MRTFA: variants seen among roughly 807,000 people sequenced by gnomAD.
The protein encoded by MRTFA is myocardin-related transcription factor A.
Under a neutral mutation model 83.5 loss-of-function variants are expected in MRTFA, and 20 were observed. That is an observed-to-expected ratio of 0.24 (90% CI 0.17 to 0.35). The LOEUF (loss-of-function observed/expected upper bound fraction) is 0.35, where lower values mean the gene tolerates loss of function less well. MRTFA is among the 10% of genes least tolerant of loss of function. MRTFA has a pLI of 1.00. For missense variants in MRTFA, 1,200 were observed against 1,224.7 expected (o/e 0.98, Z 0.30); for synonymous variants, 659 against 541.2 (o/e 1.22, Z -3.02).
chr22:40,414,342 A>G (rs924166200), intron 14 of MRTFA, among the ~76,000 whole-genome samples: 10 of 151,888 alleles, frequency 6.6e-5, no homozygotes, highest in Non-Finnish European at 1.2e-4. Context: ...GTCTCCAAGG[A>G]AAAAAAAAGA....
Position 40,431,193 on chromosome 22 carries a change from C to T in MRTFA, c.439+212G>A, listed in dbSNP as rs568090205. The stretch of plus-strand genomic sequence containing the variant: ...GTGAGACCCTGGAGAAGAGGCCAAG[C>T]CAAACTAACAGCATGTGACTGTGCT... On this transcript the variant is annotated intron_variant, in intron 6 of 14. Coordinates refer to ENST00000355630, the MANE Select transcript of MRTFA (RefSeq NM_020831.6). Among the ~76,000 whole-genome samples the T allele has an allele frequency of 7.9e-5, 12 of 152,258 alleles. 1 individual carries two copies. In the East Asian group the frequency reaches 2.3e-3, roughly 29 times the overall value.
intron 1 of MRTFA, among the ~76,000 whole-genome samples, chr22:40,605,253 G>A (rs1314617852): frequency 3.3e-5 from 5 of 152,092 alleles, no homozygotes; most frequent in African/African-American, 7.2e-5. Flanking sequence ...AACAGCACAG[G>A]AAAACAAAAA....
intron 13 of MRTFA, 136 bp downstream of exon 13, chr22:40,417,205 C>CCACT: frequency 7.2e-7 from 1 of 1,392,372 alleles, no homozygotes; most frequent in Non-Finnish European, 9.8e-7. Context: ...CCCTAACAAC[C>CCACT]CACTCCCCAA....
At chr22:40,589,959 T>C (rs1602469269) in intron 2 of MRTFA, among the ~76,000 whole-genome samples, 1 of 150,608 alleles carries the variant, frequency 6.6e-6, no homozygotes, top group East Asian at 2.0e-4. Flanking sequence ...GAGGCGGAGG[T>C]TGCAGTGAGC....
At position 40,423,416 on chromosome 22, in the gene MRTFA, A is replaced by C. The variant is rs2147078990; in HGVS notation, c.927+120T>G. 3 of 930,084 alleles carry C rather than the reference A, an allele frequency of 3.2e-6. No individual in the cohort carries two copies. In the South Asian group the frequency reaches 1.0e-4, roughly 32 times the overall value. The allele number at this position is 930,084 out of a possible 1,614,324, so 57.6% of individuals were successfully genotyped here. A position where few individuals can be genotyped will look rare whatever the true frequency, so the allele number is the denominator to read the frequency against. ...AGACAGAACGGGAAGAAACTCCCAG[A>C]CCAATGGGAGAAGACACGCACCACA... On this transcript the variant is annotated intron_variant, in intron 9 of 14. Transcript: ENST00000355630.
rs894789158 is a variant in MRTFA, at chr22:40,636,689, G to T, written c.-295C>A. 1 of 152,368 alleles carries T rather than the reference G, an allele frequency of 6.6e-6. No individual in the cohort carries two copies. The highest frequency in any genetic ancestry group is 2.4e-5 in the African/African-American group (1 of 41,448). The allele number at this position is 152,368 out of a possible 1,614,324, so 9.4% of individuals were successfully genotyped here. On this transcript the variant is annotated 5_prime_UTR_variant, in exon 1 of 15. Transcript: ENST00000355630. The stretch of plus-strand genomic sequence containing the variant: ...GGCCACCACAGACACTGCCGCCGCC[G>T]GCTCCTCTCAGCCACGGAAGCTGCG...
intron 6 of MRTFA, among the ~76,000 whole-genome samples, chr22:40,430,145 G>T (rs2053038357): frequency 6.6e-6 from 1 of 152,140 alleles, no homozygotes. Flanking sequence ...TCTGCAAAAT[G>T]TGAGACTCAG....
intron 3 of MRTFA, among the ~76,000 whole-genome samples, chr22:40,487,528 T>A (rs2147195487): frequency 6.6e-6 from 1 of 152,290 alleles, no homozygotes; most frequent in Non-Finnish European, 1.5e-5. Flanking sequence ...ACTACTGGGA[T>A]ATTAGCTGCC....
At chr22:40,575,212 T>C (rs2055850930) in intron 2 of MRTFA, among the ~76,000 whole-genome samples, 1 of 152,208 alleles carries the variant, frequency 6.6e-6, no homozygotes, top group Non-Finnish European at 1.5e-5. Context: ...TTAACAGGTG[T>C]TCAATAGATG....
At chr22:40,541,726 G>T (rs559203992) in intron 3 of MRTFA, among the ~76,000 whole-genome samples, 7 of 152,246 alleles carry the variant, frequency 4.6e-5, no homozygotes, top group Admixed American at 2.6e-4. Flanking sequence ...GAGTGCAGTG[G>T]CGCGGTCTCG....
intron 2 of MRTFA, among the ~76,000 whole-genome samples, chr22:40,573,919 T>G (rs968036319): frequency 5.9e-5 from 9 of 152,076 alleles, no homozygotes; most frequent in Non-Finnish European, 1.3e-4. Context: ...AAGGATATTT[T>G]TATTTTTTTT....
intron 3 of MRTFA, among the ~76,000 whole-genome samples, chr22:40,463,679 T>G (rs540799300): frequency 1.3e-5 from 2 of 152,000 alleles, no homozygotes; most frequent in African/African-American, 4.8e-5. Flanking sequence ...GCTTAACAAA[T>G]GTTTACCACC....
At chr22:40,544,927 A>AAAAT (rs537218672) in intron 3 of MRTFA, among the ~76,000 whole-genome samples, 2,976 of 151,126 alleles carry the variant, frequency 0.02, 98 homozygotes, top group African/African-American at 0.067. Context: ...ACTGTCTTGA[A>AAAAT]AAATAAATAA....
chr22:40,633,685 C>G lies in MRTFA; in HGVS notation c.-84+2793G>C, dbSNP rs1193832438. On this transcript the variant is annotated intron_variant, in intron 1 of 14. Coordinates refer to ENST00000355630, the MANE Select transcript of MRTFA (RefSeq NM_020831.6). ...GTATAAAATATATAAATAAAGATAG[C>G]CTTTATTTATTATATTGCCATATAT... 2.6e-5 allele frequency among the ~76,000 whole-genome samples: 4 copies of G among 151,814 alleles called. No homozygotes were observed. The East Asian group carries it at 7.7e-4, about 29-fold the overall frequency.
chr22:40,412,860 G>A (rs958838032), intron 14 of MRTFA: 1 of 152,284 alleles, frequency 6.6e-6, no homozygotes, highest in South Asian at 2.1e-4. Flanking sequence ...AATGGGCTGG[G>A]TGCAGTGGCT....
intron 1 of MRTFA, among the ~76,000 whole-genome samples, chr22:40,635,393 G>A (rs929050456): frequency 6.6e-6 from 1 of 152,156 alleles, no homozygotes; most frequent in Non-Finnish European, 1.5e-5. Flanking sequence ...ACCCTGAAAA[G>A]ATCTCAAAAA....
intron 3 of MRTFA, among the ~76,000 whole-genome samples, chr22:40,518,728 T>C (rs2054804682): frequency 7.3e-6 from 1 of 137,248 alleles, no homozygotes; most frequent in South Asian, 2.3e-4. Flanking sequence ...CCAGGATGCG[T>C]AGGTTGCAGT....
chr22:40,445,553 G>C (rs1020074632), intron 4 of MRTFA, among the ~76,000 whole-genome samples: 4 of 151,392 alleles, frequency 2.6e-5, no homozygotes, highest in Admixed American at 6.6e-5. Context: ...TTTTGTTTTT[G>C]AGACGGAGTC....
In MRTFA at chr22:40,420,740, C is replaced by A; in HGVS notation, c.1181+107G>T. On this transcript the variant is annotated intron_variant, in intron 10 of 14. Coordinates refer to ENST00000355630, the MANE Select transcript of MRTFA (RefSeq NM_020831.6). ...GCAGACCACTCTGTAGCATCCAGAC[C>A]AGCGGGTCCTTAAAGATGTGAGGTT... The A allele has an allele frequency of 5.1e-6, 8 of 1,557,790 alleles. No individual in the cohort carries two copies. The South Asian group carries it at 7.2e-5, about 14-fold the overall frequency.
Sources: gnomAD v4.1 joint callset for allele counts (sites outside exome capture counted in the v4.1 genomes callset) on GRCh38, gnomAD v4.1.1 for gene constraint, MANE v1.5 for transcripts, NCBI Gene and HGNC (gene_info 2026-07-23, HGNC 2026-07-21) for gene names.